GREB1L: variants seen among roughly 807,000 people sequenced by gnomAD.
The protein encoded by GREB1L is GREB1 like retinoic acid receptor coactivator.
In GREB1L, 17 loss-of-function variants were observed where a neutral mutation model predicts 200.8. The ratio of observed to expected loss-of-function variants is 0.08; its 90% CI spans 0.06 to 0.13. The LOEUF (loss-of-function observed/expected upper bound fraction) is 0.13, where lower values mean the gene tolerates loss of function less well. Ranked by LOEUF, GREB1L falls within the 10% of genes least tolerant of loss-of-function variation. The probability of loss-of-function intolerance (pLI) is 1.00; values close to 1 mark genes in which losing one functional copy is unlikely to be tolerated. For missense variants in GREB1L, 1,657 were observed against 2,367.7 expected, an observed-to-expected ratio of 0.70 and a Z score of 6.23; for synonymous variants, 789 against 893.0, an observed-to-expected ratio of 0.88 and a Z score of 2.08.
chr18:21,268,568 T>TATATATATATATATATATATAC (rs2038023396), intron 1 of GREB1L, among the ~76,000 whole-genome samples: 3 of 97,416 alleles, frequency 3.1e-5, no homozygotes, highest in East Asian at 5.1e-4. Flanking sequence ...CACATATATA[T>TATATATATATATATATATATAC]ATATATATAT....
At chr18:21,482,968 C>T (rs1415458065) in intron 17 of GREB1L, among the ~76,000 whole-genome samples, 1 of 152,126 alleles carries the variant, frequency 6.6e-6, no homozygotes, top group Admixed American at 6.5e-5. Flanking sequence ...AAGGATGGTT[C>T]CACTCATTTC....
intron 1 of GREB1L, among the ~76,000 whole-genome samples, chr18:21,362,235 T>G (rs1216959440): frequency 6.6e-6 from 1 of 152,132 alleles, no homozygotes; most frequent in Non-Finnish European, 1.5e-5. Flanking sequence ...GACATAAAAA[T>G]GTTTAAGTAA....
intron 1 of GREB1L, among the ~76,000 whole-genome samples, chr18:21,345,301 A>ACCATCAT (rs1203807940): frequency 2.0e-5 from 3 of 152,230 alleles, no homozygotes; most frequent in Non-Finnish European, 4.4e-5. Flanking sequence ...CAGAAAAGGT[A>ACCATCAT]CCATCATCCA....
At chr18:21,375,942 T>C (rs561805589) in intron 2 of GREB1L, among the ~76,000 whole-genome samples, 3 of 152,296 alleles carry the variant, frequency 2.0e-5, no homozygotes, top group Admixed American at 6.5e-5. Flanking sequence ...CAACAGCTAC[T>C]ATTATATTAA....
At chr18:21,324,072 T>C (rs370908108) in intron 1 of GREB1L, among the ~76,000 whole-genome samples, 8 of 152,258 alleles carry the variant, frequency 5.3e-5, no homozygotes, top group East Asian at 1.9e-4. Flanking sequence ...TGTTGGGTAT[T>C]TGATTACTTT....
At chr18:21,254,226 C>T (rs1418189964) in intron 1 of GREB1L, among the ~76,000 whole-genome samples, 1 of 151,770 alleles carries the variant, frequency 6.6e-6, no homozygotes, top group African/African-American at 2.4e-5. Flanking sequence ...CACTTCATCA[C>T]ACCCAGCTAA....
chr18:21,516,968 G>T (rs1330080026), intron 30 of GREB1L, among the ~76,000 whole-genome samples: 1 of 151,358 alleles, frequency 6.6e-6, no homozygotes, highest in Non-Finnish European at 1.5e-5. Context: ...CTGCCTCCTG[G>T]GTTCAAGCGA....
chr18:21,358,436 C>T (rs2039535959), intron 1 of GREB1L, among the ~76,000 whole-genome samples: 1 of 152,198 alleles, frequency 6.6e-6, no homozygotes, highest in African/African-American at 2.4e-5. Flanking sequence ...CTGCCTCAGC[C>T]TCCTGAGTAG....
Position 21,364,708 on chromosome 18 carries a change from C to T in GREB1L, c.-119-1319C>T, listed in dbSNP as rs139433271. Among the ~76,000 whole-genome samples, 605 of 152,042 alleles carry T rather than the reference C, an allele frequency of 4.0e-3. 6 individuals carry two copies. The highest frequency in any genetic ancestry group is 5.6e-3 in the Non-Finnish European group (381 of 67,970). ...TGAATAGGGGTCTGTGGCCCAGGGC[C>T]AAAGGTCTTAGCTTTGAGTGTAATT... On this transcript the variant is annotated intron_variant, in intron 1 of 32. Transcript: ENST00000424526.
chr18:21,323,576 C>A (rs2038981228), intron 1 of GREB1L, among the ~76,000 whole-genome samples: 1 of 152,206 alleles, frequency 6.6e-6, no homozygotes, highest in East Asian at 1.9e-4. Context: ...TGGTTTTCTT[C>A]AATTAAATAA....
intron 1 of GREB1L, among the ~76,000 whole-genome samples, chr18:21,333,089 C>A (rs1004722243): frequency 6.6e-5 from 10 of 152,046 alleles, no homozygotes; most frequent in Admixed American, 2.6e-4. Flanking sequence ...TTAATACACA[C>A]ACACGCGCGC....
intron 1 of GREB1L, among the ~76,000 whole-genome samples, chr18:21,348,504 G>T (rs1292897996): frequency 6.6e-6 from 1 of 152,094 alleles, no homozygotes; most frequent in African/African-American, 2.4e-5. Flanking sequence ...GCCAGGCACA[G>T]TGGCTCATGT....
chr18:21,394,224 G>T (rs1833923673), intron 4 of GREB1L, among the ~76,000 whole-genome samples: 1 of 152,206 alleles, frequency 6.6e-6, no homozygotes, highest in Non-Finnish European at 1.5e-5. Flanking sequence ...TGGCCAGAAA[G>T]TTGGGCTATC....
At chr18:21,317,434 C>T (rs1429374113) in intron 1 of GREB1L, 4 of 151,832 alleles carry the variant, frequency 2.6e-5, no homozygotes. Flanking sequence ...AAATGTGCCT[C>T]TACAAAAAAA....
intron 31 of GREB1L, among the ~76,000 whole-genome samples, chr18:21,520,291 T>A (rs1383708582): frequency 6.6e-6 from 1 of 152,194 alleles, no homozygotes; most frequent in African/African-American, 2.4e-5. Context: ...TATATCTAAA[T>A]GGAAAGCTGA....
intron 7 of GREB1L, among the ~76,000 whole-genome samples, chr18:21,430,892 G>A (rs1240673251): frequency 1.3e-5 from 2 of 149,734 alleles, no homozygotes; most frequent in East Asian, 4.0e-4. Context: ...CACCGCACCT[G>A]GCCTCTTTTT....
chr18:21,401,101 T>C (rs1344373241), intron 5 of GREB1L, 49 bp from the exon 6 acceptor site: 2 of 1,414,396 alleles, frequency 1.4e-6, no homozygotes, highest in Non-Finnish European at 2.0e-6. Flanking sequence ...CGTAAAAGTA[T>C]TGTATCAACT....
intron 1 of GREB1L, among the ~76,000 whole-genome samples, chr18:21,362,519 C>T (rs1214914938): frequency 6.6e-6 from 1 of 152,070 alleles, no homozygotes; most frequent in Non-Finnish European, 1.5e-5. Flanking sequence ...TTTTCTTAAG[C>T]ATTTTGGCTC....
chr18:21,404,327 C>T (rs886940825), intron 7 of GREB1L, among the ~76,000 whole-genome samples: 8 of 152,156 alleles, frequency 5.3e-5, no homozygotes, highest in African/African-American at 1.9e-4. Flanking sequence ...GAGACACAGT[C>T]ATTAAGACTG....
Sources: allele counts gnomAD v4.1 joint callset (sites outside exome capture counted in the v4.1 genomes callset), GRCh38; gene constraint gnomAD v4.1.1; transcripts MANE v1.5; gene names NCBI Gene and HGNC (gene_info 2026-07-23, HGNC 2026-07-21).